Variants in SYN1 observed in about 807,000 individuals in gnomAD.
SYN1 encodes the protein synapsin-1.
A neutral mutation model predicts 44.6 loss-of-function variants in SYN1; 8 were observed. That is an observed-to-expected ratio of 0.18 (90% CI 0.11 to 0.32). The LOEUF is 0.32. SYN1 is among the 10% of genes least tolerant of loss of function. The pLI is 1.00. For missense variants in SYN1, 451 were observed against 639.4 expected, an observed-to-expected ratio of 0.71 and a Z score of 3.18; for synonymous variants, 275 against 280.1, an observed-to-expected ratio of 0.98 and a Z score of 0.18.
At chrX:47,606,846 C>T in intron 3 of SYN1, 99 bp downstream of exon 3, 2 of 862,526 alleles carry the variant, frequency 2.3e-6, no homozygotes, top group Non-Finnish European at 3.4e-6. Context: ...AAGTTCTTGC[C>T]CACAGAAGGA....
At chrX:47,607,101 T>C (rs749054985) in intron 2 of SYN1, 40 bp downstream of exon 2, 9 of 1,206,491 alleles carry the variant, frequency 7.5e-6, no homozygotes, top group Non-Finnish European at 1.0e-5. Flanking sequence ...CAGTTTGCAG[T>C]ATGGACAACT....
intron 5 of SYN1, among the ~76,000 whole-genome samples, chrX:47,596,232 G>A (rs374322469): frequency 1.8e-5 from 2 of 112,381 alleles, no homozygotes; most frequent in Non-Finnish European, 1.9e-5. Flanking sequence ...TTCTCTGGGG[G>A]TGCTTTTCAG....
intron 1 of SYN1, among the ~76,000 whole-genome samples, chrX:47,613,318 T>C (rs999386319): frequency 9.1e-6 from 1 of 110,057 alleles, no homozygotes; most frequent in African/African-American, 3.3e-5. Flanking sequence ...GATGGGCACA[T>C]GAATAAGTGG....
chrX:47,588,372 T>G (rs2057834802), intron 5 of SYN1, among the ~76,000 whole-genome samples: 1 of 112,813 alleles, frequency 8.9e-6, no homozygotes, highest in Non-Finnish European at 1.9e-5. Context: ...GTCAGCTACC[T>G]GCACTCTTAA....
intron 5 of SYN1, among the ~76,000 whole-genome samples, chrX:47,594,758 G>A (rs1334904545): frequency 1.0e-5 from 1 of 97,841 alleles, no homozygotes; most frequent in Non-Finnish European, 2.0e-5. Context: ...ACAGAGTTTC[G>A]CTCTTGTTGC....
intron 5 of SYN1, chrX:47,585,372 C>T: frequency 8.3e-7 from 1 of 1,208,098 alleles, no homozygotes; most frequent in Non-Finnish European, 1.1e-6. Context: ...ACCAACCAGT[C>T]CCTGGGGCGC....
intron 10 of SYN1, 40 bp from the exon 11 acceptor site, chrX:47,574,815 T>G: frequency 1.8e-6 from 2 of 1,090,924 alleles, no homozygotes; most frequent in Non-Finnish European, 2.5e-6. Context: ...TAAAAATAGT[T>G]ACCAGCCAGT....
At chrX:47,581,963 T>C (rs758143642) in intron 5 of SYN1, among the ~76,000 whole-genome samples, 3 of 112,445 alleles carry the variant, frequency 2.7e-5, no homozygotes, top group South Asian at 7.4e-4. Context: ...TGCTACTTAA[T>C]TTGTTTCCTC....
intron 5 of SYN1, chrX:47,604,758 G>A (rs1341652435): frequency 2.3e-6 from 1 of 428,262 alleles, no homozygotes; most frequent in Non-Finnish European, 4.1e-6. Flanking sequence ...GACAACATGA[G>A]TAACAGGATC....
intron 5 of SYN1, 115 bp from the exon 6 acceptor site, chrX:47,577,616 G>A (rs907173428): frequency 9.3e-6 from 6 of 647,039 alleles, no homozygotes; most frequent in Non-Finnish European, 1.5e-5. Flanking sequence ...TCACTTCCCA[G>A]GACACACAGG....
Position 47,572,788 on chromosome X carries a change from G to A in SYN1, c.*76C>T. ...GAGATGGGTTCTCAAGGGATTTGGA[G>A]ACTCCAAAAGTGAGAAATGGATTCA... is the stretch of plus-strand genomic sequence containing the variant. On this transcript the variant is annotated 3_prime_UTR_variant, in exon 13 of 13. Transcript: ENST00000295987. The A allele has an allele frequency of 1.7e-6, 2 of 1,189,142 alleles. No individual in the cohort carries two copies. Among genetic ancestry groups the A allele is most frequent in the South Asian group, 1.8e-5 (1 of 56,173 alleles).
rs765170088 is a variant in SYN1, at chrX:47,616,973, T to C, written c.377+2379A>G. ...TAGTATACGATAAATGCTCATTAAA[T>C]GATTGTGGGGTTGCATGGAGGAAAA... On this transcript the variant is annotated intron_variant, in intron 1 of 12. Transcript: ENST00000295987. Among the ~76,000 whole-genome samples, 6 of 110,583 alleles carry C rather than the reference T, an allele frequency of 5.4e-5. No individual in the cohort carries two copies. The East Asian group carries it at 1.7e-3, about 31-fold the overall frequency.
At chrX:47,602,100 G>C (rs1372031775) in intron 5 of SYN1, among the ~76,000 whole-genome samples, 1 of 112,239 alleles carries the variant, frequency 8.9e-6, no homozygotes, top group Non-Finnish European at 1.9e-5. Context: ...CATTGTTCTA[G>C]ACACCTTACA....
At chrX:47,605,789 A>C (rs746931276) in intron 3 of SYN1, among the ~76,000 whole-genome samples, 3 of 111,729 alleles carry the variant, frequency 2.7e-5, no homozygotes, top group Non-Finnish European at 5.7e-5. Flanking sequence ...CACCTCCATC[A>C]GGTCTTTCCT....
chrX:47,585,825 C>G (rs1240902040), intron 5 of SYN1: 1 of 1,149,226 alleles, frequency 8.7e-7, no homozygotes, highest in African/African-American at 1.8e-5. Flanking sequence ...TTCCCCAAGC[C>G]CGAGACTGCT....
At chrX:47,579,283 A>G in intron 5 of SYN1, among the ~76,000 whole-genome samples, 1 of 111,286 alleles carries the variant, frequency 9.0e-6, no homozygotes, top group East Asian at 2.8e-4. Context: ...AACGCTCTGT[A>G]TATGTGTGTG....
chrX:47,607,049 A>G lies in SYN1; in HGVS notation c.436-13T>C, dbSNP rs755102035. 8.3e-7 allele frequency: 1 copy of G among 1,210,216 alleles called. No individual in the cohort carries two copies. The highest frequency in any genetic ancestry group is 1.1e-6 in the Non-Finnish European group (1 of 894,141). ...CAGAGAATTCGGCCTGGGAAGGAGA[A>G]AAAAACTGGTGATTCACCTACATCA... On this transcript the variant is annotated splice_polypyrimidine_tract_variant and intron_variant, in intron 2 of 12. Transcript: ENST00000295987.
At chrX:47,591,094 A>G (rs2057846289) in intron 5 of SYN1, among the ~76,000 whole-genome samples, 1 of 111,286 alleles carries the variant, frequency 9.0e-6, no homozygotes, top group African/African-American at 3.3e-5. Context: ...CATGTTGCCC[A>G]GGCTGGTCCG....
At position 47,606,962 on chromosome X, in the gene SYN1, A is replaced by G. The variant is rs1142636; in HGVS notation, c.510T>C (p.Asn170=). ...GFSVDMEVLR[N]GVKVVRSLKP... is the part of the protein sequence containing the mutation. ...ATACTCACCGCACGACCTTCACCCC[A>G]TTCCGAAGAACTTCCATATCCACAG... The change falls in exon 3 of 13, where the codon AAT becomes AAC. Residue 170 remains asparagine, a synonymous_variant. Transcript: ENST00000295987. 0.38 allele frequency: 455,142 copies of G among 1,205,344 alleles called. 59,194 individuals carry two copies. Among genetic ancestry groups the G allele is most frequent in the African/African-American group, 0.42 (23,601 of 56,034 alleles).
Sources: gnomAD v4.1 joint callset for allele counts (sites outside exome capture counted in the v4.1 genomes callset) on GRCh38, gnomAD v4.1.1 for gene constraint, MANE v1.5 for transcripts, NCBI Gene and HGNC (gene_info 2026-07-23, HGNC 2026-07-21) for gene names.